The following SIN3A variants were observed in gnomAD, a reference collection of about 807,000 sequenced individuals.
SIN3A encodes SIN3 transcription regulator family member A, also known as paired amphipathic helix protein Sin3a.
A neutral mutation model predicts 146.1 loss-of-function variants in SIN3A; 14 were observed. The ratio of observed to expected loss-of-function variants is 0.10; its 90% CI spans 0.06 to 0.15. The LOEUF is 0.15. Ranked by LOEUF, SIN3A falls within the 10% of genes least tolerant of loss-of-function variation. The pLI is 1.00. For missense variants in SIN3A, 1,028 were observed against 1,576.0 expected, an observed-to-expected ratio of 0.65 and a Z score of 5.89; for synonymous variants, 572 against 572.0, an observed-to-expected ratio of 1.00 and a Z score of 0.00.
At chr15:75,378,570 A>T (rs1486762857) in intron 19 of SIN3A, among the ~76,000 whole-genome samples, 1 of 152,222 alleles carries the variant, frequency 6.6e-6, no homozygotes, top group Non-Finnish European at 1.5e-5. Flanking sequence ...GTCTCAAAAA[A>T]GAAAAACAAA....
chr15:75,375,834 T>C lies in SIN3A; in HGVS notation c.3422A>G (p.Glu1141Gly). The C allele has an allele frequency of 6.2e-7, 1 of 1,614,174 alleles. No individual in the cohort carries two copies. Among genetic ancestry groups the C allele is most frequent in the South Asian group, 1.1e-5 (1 of 91,080 alleles). The change falls in exon 20 of 21, where the codon GAG (glutamate) becomes GGG (glycine). Residue 1141 changes from glutamate (E) to glycine (G), a missense_variant. By Grantham distance (98) the Glu-to-Gly change is moderately conservative (BLOSUM62 -2). This residue lies in a region of SIN3A where 488 missense variants were observed against 690.2 expected (regional missense o/e 0.71). Transcript: ENST00000394947. ...TTCCTTCCCTTCCTTTTCCTGCTGC[T>C]CTCGACCACGTTGACACTTCCGGAT... ...RRIRKCQRGREQQEKEGKEGN... is the reference protein window; with the variant it reads ...RRIRKCQRGRGQQEKEGKEGN...
intron 15 of SIN3A, 60 bp from the exon 16 acceptor site, chr15:75,389,881 T>C: frequency 1.1e-5 from 17 of 1,539,936 alleles, no homozygotes; most frequent in Non-Finnish European, 1.3e-5. Flanking sequence ...AGGGATAGAG[T>C]ACAGGGCAAA....
At chr15:75,373,952 T>C (rs1054040691) in intron 20 of SIN3A, among the ~76,000 whole-genome samples, 3 of 152,250 alleles carry the variant, frequency 2.0e-5, no homozygotes, top group Non-Finnish European at 4.4e-5. Flanking sequence ...GGGTTAATTA[T>C]ACATTAAACT....
chr15:75,427,670 A>G (rs572977493), intron 2 of SIN3A, among the ~76,000 whole-genome samples: 3 of 151,672 alleles, frequency 2.0e-5, no homozygotes, highest in East Asian at 3.9e-4. Flanking sequence ...AAAAATAAAT[A>G]AATAAATAAA....
chr15:75,431,385 CA>C (rs2074011976), intron 1 of SIN3A, among the ~76,000 whole-genome samples: 1 of 152,182 alleles, frequency 6.6e-6, no homozygotes, highest in African/African-American at 2.4e-5. Flanking sequence ...GAGACAATTT[CA>C]TTCCTGCAGG....
At chr15:75,454,981 A>T (rs1216743844), upstream of SIN3A, 1 of 151,828 alleles carries the variant, frequency 6.6e-6, no homozygotes, top group Non-Finnish European at 1.5e-5. Flanking sequence ...GGGAGTTTGG[A>T]GACCCGGCAG....
At chr15:75,402,960 G>C (rs1446965736) in intron 9 of SIN3A, among the ~76,000 whole-genome samples, 2 of 151,988 alleles carry the variant, frequency 1.3e-5, no homozygotes, top group Admixed American at 6.6e-5. Flanking sequence ...ATTTTTAAAA[G>C]AAACTTACTA....
intron 16 of SIN3A, among the ~76,000 whole-genome samples, chr15:75,384,819 G>A (rs955093693): frequency 6.6e-6 from 1 of 151,992 alleles, no homozygotes; most frequent in Admixed American, 6.6e-5. Context: ...TTTCTCATTT[G>A]ATCTTCACAA....
At position 75,430,200 on chromosome 15, in the gene SIN3A, G is replaced by A; in HGVS notation, c.176C>T (p.Thr59Ile). The change falls in exon 2 of 21, where the codon ACA becomes ATA. Residue 59 changes from threonine to isoleucine, a missense_variant. Transcript: ENST00000394947. ...QSATGIQYSVTPSYQVSAMPQ... is the reference protein window; with the variant it reads ...QSATGIQYSVIPSYQVSAMPQ... ...GCTCCAGCTTACCTGGTAGCTGGGT[G>A]TTACAGAGTACTGAATTCCCGTAGC... The A allele has an allele frequency of 6.2e-7, 1 of 1,613,836 alleles. No individual in the cohort carries two copies. The highest frequency in any genetic ancestry group is 8.5e-7 in the Non-Finnish European group (1 of 1,179,746).
intron 15 of SIN3A, among the ~76,000 whole-genome samples, chr15:75,390,260 G>A (rs957921917): frequency 1.3e-5 from 2 of 152,194 alleles, no homozygotes; most frequent in African/African-American, 4.8e-5. Flanking sequence ...GATGAGGAAA[G>A]GCAGACACAG....
intron 3 of SIN3A, among the ~76,000 whole-genome samples, chr15:75,417,337 T>A (rs1397562380): frequency 6.6e-6 from 1 of 152,090 alleles, no homozygotes; most frequent in Non-Finnish European, 1.5e-5. Flanking sequence ...TTTAAGAAAT[T>A]TCAGAAATAA....
intron 5 of SIN3A, 59 bp downstream of exon 5, chr15:75,412,704 A>G (rs780136808): frequency 6.9e-7 from 1 of 1,447,090 alleles, no homozygotes; most frequent in Non-Finnish European, 9.2e-7. Flanking sequence ...GGGAAACATC[A>G]AAGGAAGGTG....
intron 2 of SIN3A, among the ~76,000 whole-genome samples, chr15:75,427,295 C>G (rs2073941030): frequency 6.6e-6 from 1 of 152,046 alleles, no homozygotes; most frequent in Non-Finnish European, 1.5e-5. Flanking sequence ...ATCACTTGAA[C>G]CTGGAAGCCA....
chr15:75,391,844 T>C (rs2073208802), intron 15 of SIN3A, among the ~76,000 whole-genome samples: 1 of 152,192 alleles, frequency 6.6e-6, no homozygotes, highest in Non-Finnish European at 1.5e-5. Context: ...TGCTCAAAAA[T>C]ATGAGAAAAT....
chr15:75,438,587 G>A (rs542528692), intron 1 of SIN3A, among the ~76,000 whole-genome samples: 1 of 152,152 alleles, frequency 6.6e-6, no homozygotes, highest in African/African-American at 2.4e-5. Context: ...TGCTTAGGAG[G>A]CTGAGGTGGG....
At chr15:75,455,812 G>C (rs1169905313), upstream of SIN3A, 4 of 152,290 alleles carry the variant, frequency 2.6e-5, no homozygotes, top group African/African-American at 4.8e-5. Context: ...GAGGAGTCCT[G>C]AATGGGGGGG....
chr15:75,395,610 A>G (rs2073286721), intron 13 of SIN3A, among the ~76,000 whole-genome samples: 1 of 152,210 alleles, frequency 6.6e-6, no homozygotes, highest in Non-Finnish European at 1.5e-5. Context: ...CAATAATGAC[A>G]TGGGGCTGGG....
intron 1 of SIN3A, among the ~76,000 whole-genome samples, chr15:75,449,383 G>T (rs1175281282): frequency 6.6e-6 from 1 of 152,080 alleles, no homozygotes; most frequent in Non-Finnish European, 1.5e-5. Context: ...TTAACCAGAG[G>T]CTCATTTAGA....
chr15:75,418,277 G>A lies in SIN3A; in HGVS notation c.367-3966C>T, dbSNP rs141014804. Among the ~76,000 whole-genome samples the A allele has an allele frequency of 2.2e-4, 33 of 151,368 alleles. No homozygotes were observed. The East Asian group carries it at 5.3e-3, about 24-fold the overall frequency. ...AATCTCCTGACCTCGTGATCCGCCC[G>A]CCTCGGCCTCCCAACGTGCTGGGAT... On this transcript the variant is annotated intron_variant, in intron 3 of 20. Coordinates refer to ENST00000394947, the MANE Select transcript of SIN3A (RefSeq NM_001145358.2).
Sources: allele counts gnomAD v4.1 joint callset (sites outside exome capture counted in the v4.1 genomes callset), GRCh38; gene constraint gnomAD v4.1.1; regional missense constraint gnomAD v4.1.1; transcripts MANE v1.5; gene names NCBI Gene and HGNC (gene_info 2026-07-23, HGNC 2026-07-21).